The following NINL variants were observed in gnomAD, a reference collection of about 807,000 sequenced individuals.
NINL encodes the protein ninein like.
NINL carries 153 observed loss-of-function variants against 160.3 expected under a neutral mutation model. That is an observed-to-expected ratio of 0.95 (90% CI 0.84 to 1.09). NINL has a LOEUF of 1.09. Ranked by LOEUF, NINL falls within the 50% of genes least tolerant of loss-of-function variation. NINL has a pLI of 0.00. For synonymous variants in NINL, 800 were observed against 734.8 expected, an observed-to-expected ratio of 1.09 and a Z score of -1.43; for missense variants, 1,829 against 1,764.0, an observed-to-expected ratio of 1.04 and a Z score of -0.66.
intron 10 of NINL, among the ~76,000 whole-genome samples, chr20:25,494,759 G>C (rs1023608143): frequency 9.9e-5 from 15 of 152,204 alleles, no homozygotes; most frequent in Non-Finnish European, 2.1e-4. Flanking sequence ...TATGGAGATG[G>C]GGGGCGCCCA....
In NINL at chr20:25,489,923, C is replaced by A. The variant is rs537027238; in HGVS notation, c.1548G>T (p.Arg516Ser). Residue 516 changes from arginine (R) to serine (S), a missense_variant, in exon 12 of 24, where the codon AGG becomes AGT. By Grantham distance (110) the Arg-to-Ser change is moderately radical. Coordinates refer to ENST00000278886, the MANE Select transcript of NINL (RefSeq NM_025176.6). ...EVVEKLSDSE[R>S]LALKLQKDLE... ...GGTCCTTCTGCAGCTTCAGGGCCAG[C>A]CTCTCCGAATCCGAAAGCTTTTCCA... The A allele has an allele frequency of 1.1e-4, 176 of 1,614,212 alleles. 1 individual carries two copies. The East Asian group carries it at 3.3e-3, about 31-fold the overall frequency.
intron 12 of NINL, among the ~76,000 whole-genome samples, chr20:25,489,635 G>A (rs956733125): frequency 1.3e-4 from 19 of 151,676 alleles, no homozygotes; most frequent in Non-Finnish European, 2.2e-4. Context: ...CTCCCTCCAC[G>A]CCCCCCACCA....
chr20:25,512,796 A>G, intron 4 of NINL, 38 bp downstream of exon 4: 2 of 1,573,968 alleles, frequency 1.3e-6, no homozygotes, highest in Non-Finnish European at 1.7e-6. Flanking sequence ...GTTATTCCCA[A>G]CACTGGGCAG....
At chr20:25,522,929 T>C (rs959795237) in intron 2 of NINL, among the ~76,000 whole-genome samples, 1 of 152,204 alleles carries the variant, frequency 6.6e-6, no homozygotes, top group Non-Finnish European at 1.5e-5. Flanking sequence ...TAGAGGTACT[T>C]TCAACTTCAA....
rs776699071 is a variant in NINL, at chr20:25,476,817, T to C, written c.2474A>G (p.Glu825Gly). Residue 825 changes from glutamate to glycine, a missense_variant, in exon 17 of 24, where the codon GAG becomes GGG. Physicochemically the swap from Glu to Gly is moderately conservative, Grantham distance 98. Coordinates refer to ENST00000278886, the MANE Select transcript of NINL (RefSeq NM_025176.6). ...CCCATCTTTCGGCAGGGCCTGCATC[T>C]CTGCTTCCAGGGAGGGCCCGTCCAC... ...KRVDGPSLEAEMQALPKDGLV... is the reference protein window; with the variant it reads ...KRVDGPSLEAGMQALPKDGLV... The C allele has an allele frequency of 3.8e-5, 61 of 1,613,050 alleles. 2 individuals carry two copies. The Admixed American group carries it at 1.0e-3, about 27-fold the overall frequency.
chr20:25,526,641 C>T lies in NINL; in HGVS notation c.-11-43G>A, dbSNP rs1181994163. 3.8e-6 allele frequency: 6 copies of T among 1,568,100 alleles called. No individual in the cohort carries two copies. In the African/African-American group the frequency reaches 6.7e-5, roughly 18 times the overall value. The stretch of plus-strand genomic sequence containing the variant: ...AAGAAGAAAACATCAGGACACTTTC[C>T]CACCTCCCCTCCCATTCCCACACTG... On this transcript the variant is annotated intron_variant, in intron 1 of 23. Transcript: ENST00000278886.
chr20:25,530,268 A>G (rs1267716862), intron 1 of NINL, among the ~76,000 whole-genome samples: 1 of 152,208 alleles, frequency 6.6e-6, no homozygotes, highest in Non-Finnish European at 1.5e-5. Flanking sequence ...ACACACATGT[A>G]TTTTCACATA....
intron 14 of NINL, among the ~76,000 whole-genome samples, chr20:25,481,683 C>T (rs1168538966): frequency 1.3e-5 from 2 of 152,202 alleles, no homozygotes; most frequent in African/African-American, 2.4e-5. Context: ...CAGCAAGTAC[C>T]GTGTCACTGA....
chr20:25,561,948 G>C (rs1305415475), intron 1 of NINL, among the ~76,000 whole-genome samples: 11 of 148,308 alleles, frequency 7.4e-5, no homozygotes, highest in African/African-American at 2.7e-4. Flanking sequence ...GGAGGGAGGT[G>C]GGGGGTCAGC....
In NINL at chr20:25,477,055, A is replaced by C. The variant is rs2063274202; in HGVS notation, c.2236T>G (p.Ser746Ala). Residue 746 changes from serine to alanine, a missense_variant, in exon 17 of 24, where the codon TCG (serine) becomes GCG (alanine). By Grantham distance (99) the Ser-to-Ala change is moderately conservative. Coordinates refer to ENST00000278886, the MANE Select transcript of NINL (RefSeq NM_025176.6). ...CGAGCGGGCAGGGCTCCCAGCCCCG[A>C]CAGCTCTCCACTCAGCTCCGCCTCA... is the stretch of plus-strand genomic sequence containing the variant. ...EAEAELSGEL[S>A]GLGALPARRD... 2 of 1,598,006 alleles carry C rather than the reference A, an allele frequency of 1.3e-6. No individual in the cohort carries two copies. Among genetic ancestry groups the C allele is most frequent in the South Asian group, 2.2e-5 (2 of 90,774 alleles).
intron 6 of NINL, 48 bp from the exon 7 acceptor site, chr20:25,504,152 C>A: frequency 6.6e-7 from 1 of 1,523,868 alleles, no homozygotes; most frequent in South Asian, 1.3e-5. Context: ...GAGCTCCACC[C>A]AACCGCCCTC....
At chr20:25,509,759 A>G in intron 5 of NINL, 1 of 456,518 alleles carries the variant, frequency 2.2e-6, no homozygotes, top group Non-Finnish European at 4.4e-6. Context: ...CATTGTTTGC[A>G]TAGGTGTTGG....
chr20:25,492,050 C>G (rs1357920324), intron 10 of NINL, among the ~76,000 whole-genome samples: 1 of 152,186 alleles, frequency 6.6e-6, no homozygotes, highest in Non-Finnish European at 1.5e-5. Flanking sequence ...GTTCAACGCT[C>G]AGTCTCATCT....
Position 25,535,750 on chromosome 20 carries a change from T to G in NINL, c.-11-9152A>C, listed in dbSNP as rs548233509. Among the ~76,000 whole-genome samples, 6 of 152,320 alleles carry G rather than the reference T, an allele frequency of 3.9e-5. No homozygotes were observed. The East Asian group carries it at 1.2e-3, about 29-fold the overall frequency. On this transcript the variant is annotated intron_variant, in intron 1 of 23. Coordinates refer to ENST00000278886, the MANE Select transcript of NINL (RefSeq NM_025176.6). ...AATATGGTGACCTGCTTTCTGAAAC[T>G]GCCCAACTCTGTTCTCCTACAGCAC... is the stretch of plus-strand genomic sequence containing the variant.
chr20:25,461,807 C>T (rs559968960), intron 20 of NINL, among the ~76,000 whole-genome samples, 172 bp from the exon 21 acceptor site: 1 of 152,096 alleles, frequency 6.6e-6, no homozygotes, highest in Non-Finnish European at 1.5e-5. Context: ...CCCGGCCCCT[C>T]CTCTACACAC....
intron 1 of NINL, among the ~76,000 whole-genome samples, chr20:25,584,661 C>T (rs2065207970): frequency 1.3e-5 from 2 of 152,180 alleles, no homozygotes; most frequent in Non-Finnish European, 2.9e-5. Context: ...GGGTCTCTTC[C>T]TGAACCTCCT....
chr20:25,464,991 TG>T (rs1176350766), intron 19 of NINL, among the ~76,000 whole-genome samples: 1 of 152,242 alleles, frequency 6.6e-6, no homozygotes, highest in East Asian at 1.9e-4. Flanking sequence ...CTCTTAATTT[TG>T]AACTTGCATT....
chr20:25,521,629 T>C (rs894317350), intron 2 of NINL, among the ~76,000 whole-genome samples: 1 of 152,234 alleles, frequency 6.6e-6, no homozygotes, highest in African/African-American at 2.4e-5. Context: ...TTTGAGATTA[T>C]CTAGTGTACT....
chr20:25,533,301 C>T lies in NINL; in HGVS notation c.-11-6703G>A, dbSNP rs139671355. The stretch of plus-strand genomic sequence containing the variant: ...GCTGAGCCCAAAACACACACACGCG[C>T]ACACAGAAAAATTGCACTACCCAGA... On this transcript the variant is annotated intron_variant, in intron 1 of 23. Coordinates refer to ENST00000278886, the MANE Select transcript of NINL (RefSeq NM_025176.6). 2.3e-4 allele frequency among the ~76,000 whole-genome samples: 35 copies of T among 152,176 alleles called. No homozygotes were observed. The East Asian group carries it at 4.8e-3, about 21-fold the overall frequency.
Sources: allele counts gnomAD v4.1 joint callset (sites outside exome capture counted in the v4.1 genomes callset), GRCh38; gene constraint gnomAD v4.1.1; transcripts MANE v1.5; gene names NCBI Gene and HGNC (gene_info 2026-07-23, HGNC 2026-07-21).